MRPS28: variants seen among roughly 807,000 people sequenced by gnomAD.
The protein encoded by MRPS28 is small ribosomal subunit protein bS1m.
Under a neutral mutation model 10.8 loss-of-function variants are expected in MRPS28, and 7 were observed. The ratio of observed to expected loss-of-function variants is 0.65; its 90% confidence interval spans 0.37 to 1.22. The LOEUF (loss-of-function observed/expected upper bound fraction) is 1.22, where lower values mean the gene tolerates loss of function less well. Ranked by LOEUF, MRPS28 falls within the 50% of genes most tolerant of loss-of-function variation. MRPS28 has a pLI of 0.02. For missense variants in MRPS28, 265 were observed against 232.9 expected (o/e 1.14, Z -0.90); for synonymous variants, 121 against 93.3 (o/e 1.30, Z -1.71).
At chr8:79,919,702 G>C (rs1810021106) in intron 2 of MRPS28, among the ~76,000 whole-genome samples, 1 of 152,202 alleles carries the variant, frequency 6.6e-6, no homozygotes. Context: ...AAGCAAGACA[G>C]TTCTTAAAAC....
chr8:79,994,449 CCAACT>C (rs1808447866), intron 2 of MRPS28, among the ~76,000 whole-genome samples: 1 of 152,096 alleles, frequency 6.6e-6, no homozygotes, highest in South Asian at 2.1e-4. Context: ...CCAACACAAC[CCAACT>C]CACTACCCAG....
At chr8:79,993,038 T>C (rs1381805793) in intron 2 of MRPS28, among the ~76,000 whole-genome samples, 1 of 152,208 alleles carries the variant, frequency 6.6e-6, no homozygotes, top group Non-Finnish European at 1.5e-5. Context: ...CTAGATGTTA[T>C]CAAGCAGCAA....
intron 2 of MRPS28, 73 bp from the exon 3 acceptor site, chr8:79,919,221 A>C (rs2129824027): frequency 1.7e-6 from 2 of 1,169,014 alleles, no homozygotes; most frequent in South Asian, 5.5e-5. Context: ...AATAACAACA[A>C]CCAAATTCCA....
chr8:79,944,937 T>C (rs1364269227), intron 2 of MRPS28, among the ~76,000 whole-genome samples: 1 of 152,042 alleles, frequency 6.6e-6, no homozygotes, highest in Non-Finnish European at 1.5e-5. Context: ...TCAAGCAATC[T>C]GTCCACCTCC....
At position 79,919,052 on chromosome 8, in the gene MRPS28, C is replaced by T. The variant is rs1163417698; in HGVS notation, c.492G>A (p.Glu164=). 6.2e-7 allele frequency: 1 copy of T among 1,609,860 alleles called. No homozygotes were observed. Among genetic ancestry groups the T allele is most frequent in the African/African-American group, 1.3e-5 (1 of 74,678 alleles). Residue 164 remains glutamate, a synonymous_variant, in exon 3 of 3, where the codon GAG becomes GAA. Transcript: ENST00000276585. The part of the protein sequence containing the change: ...LGATTDTTVL[E]ANAVLLGIQE... ...GGATTCCCAAGAGAACTGCATTAGC[C>T]TCTAGTACAGTTGTATCTGTTGTTG...
intron 1 of MRPS28, among the ~76,000 whole-genome samples, chr8:80,009,316 G>T (rs1236369579): frequency 2.0e-5 from 3 of 151,864 alleles, no homozygotes; most frequent in African/African-American, 7.3e-5. Context: ...TAGGAGAAAT[G>T]CCTAATGTAA....
At chr8:80,005,075 C>T (rs1453830853) in intron 1 of MRPS28, among the ~76,000 whole-genome samples, 2 of 152,160 alleles carry the variant, frequency 1.3e-5, no homozygotes, top group African/African-American at 4.8e-5. Flanking sequence ...GGATATTATC[C>T]AGGAGAACAT....
chr8:79,933,824 T>C (rs1026881813), intron 2 of MRPS28, among the ~76,000 whole-genome samples: 2 of 152,168 alleles, frequency 1.3e-5, no homozygotes, highest in Admixed American at 6.5e-5. Context: ...CACCCCAAAA[T>C]ATAAACTGTG....
At chr8:79,952,630 C>G (rs906334879) in intron 2 of MRPS28, among the ~76,000 whole-genome samples, 18 of 152,132 alleles carry the variant, frequency 1.2e-4, no homozygotes, top group African/African-American at 4.3e-4. Context: ...CTACCTACCC[C>G]CCTACATCAG....
At chr8:79,935,595 G>T (rs572732033) in intron 2 of MRPS28, among the ~76,000 whole-genome samples, 1 of 152,146 alleles carries the variant, frequency 6.6e-6, no homozygotes, top group Non-Finnish European at 1.5e-5. Context: ...CTTTAAAGAT[G>T]AAGACTCCTA....
intron 1 of MRPS28, among the ~76,000 whole-genome samples, chr8:80,008,363 G>A (rs1319652109): frequency 3.7e-5 from 5 of 134,912 alleles, no homozygotes; most frequent in African/African-American, 1.3e-4. Context: ...AAAGGCATGG[G>A]CAAGGACTTC....
At chr8:79,979,222 G>A (rs901121332) in intron 2 of MRPS28, among the ~76,000 whole-genome samples, 1 of 152,136 alleles carries the variant, frequency 6.6e-6, no homozygotes, top group African/African-American at 2.4e-5. Context: ...GGACTTTGGA[G>A]GAAGAGACAT....
rs1169402172 is a variant in MRPS28, at chr8:80,007,810, A to G, written c.214-4630T>C. Among the ~76,000 whole-genome samples, 278 of 152,276 alleles carry G rather than the reference A, an allele frequency of 1.8e-3. 4 individuals are homozygous for G. Among genetic ancestry groups the G allele is most frequent in the Non-Finnish European group, 1.4e-3 (97 of 68,016 alleles). ...ATGGAAGAACATTCCATGCTCATGAATAGGAAGAATCAATATCATGAAAAT... is the reference window on the plus strand; with the variant it reads ...ATGGAAGAACATTCCATGCTCATGAGTAGGAAGAATCAATATCATGAAAAT... On this transcript the variant is annotated intron_variant, in intron 1 of 2. Transcript: ENST00000276585.
At chr8:80,025,955 G>A (rs1464028035) in intron 1 of MRPS28, among the ~76,000 whole-genome samples, 1 of 152,130 alleles carries the variant, frequency 6.6e-6, no homozygotes, top group Non-Finnish European at 1.5e-5. Flanking sequence ...ATACTTACGT[G>A]TGTAATATAA....
chr8:80,024,187 C>T lies in MRPS28; in HGVS notation c.213+5849G>A, dbSNP rs536718806. Among the ~76,000 whole-genome samples the T allele has an allele frequency of 1.8e-4, 28 of 151,878 alleles. No individual in the cohort carries two copies. The South Asian group carries it at 5.8e-3, about 32-fold the overall frequency. On this transcript the variant is annotated intron_variant, in intron 1 of 2. Transcript: ENST00000276585. ...GAGGTTGCAGTGAGCCAAGTTTGCA[C>T]CACTGCACCCCAGCCTCAGCAACAG...
intron 1 of MRPS28, among the ~76,000 whole-genome samples, chr8:80,008,186 T>G (rs1260476434): frequency 6.6e-6 from 1 of 152,182 alleles, no homozygotes; most frequent in Non-Finnish European, 1.5e-5. Context: ...GATTCCCTAT[T>G]TAATAAATGG....
At chr8:80,011,412 T>TTG (rs1288809496) in intron 1 of MRPS28, among the ~76,000 whole-genome samples, 1 of 151,576 alleles carries the variant, frequency 6.6e-6, no homozygotes, top group Non-Finnish European at 1.5e-5. Flanking sequence ...TGGCTATTTT[T>TTG]TTTTTTCAAT....
intron 2 of MRPS28, among the ~76,000 whole-genome samples, chr8:79,987,187 A>C (rs534953883): frequency 1.4e-4 from 21 of 152,324 alleles, no homozygotes; most frequent in East Asian, 7.7e-4. Flanking sequence ...AGGATTCCCT[A>C]TTTAATAAAT....
chr8:80,006,384 G>C (rs1390608323), intron 1 of MRPS28, among the ~76,000 whole-genome samples: 1 of 151,910 alleles, frequency 6.6e-6, no homozygotes, highest in Non-Finnish European at 1.5e-5. Flanking sequence ...ATGACTACTG[G>C]GTACATAACA....
Sources: gnomAD v4.1 joint callset for allele counts (sites outside exome capture counted in the v4.1 genomes callset) on GRCh38, gnomAD v4.1.1 for gene constraint, MANE v1.5 for transcripts, NCBI Gene and HGNC (gene_info 2026-07-23, HGNC 2026-07-21) for gene names.